STAMBP: variants seen among roughly 807,000 people sequenced by gnomAD.
STAMBP encodes the protein STAM binding protein, also known as STAM-binding protein.
In STAMBP, 31 loss-of-function variants were observed where a neutral mutation model predicts 50.7. The ratio of observed to expected loss-of-function variants is 0.61; its 90% CI spans 0.46 to 0.83. The LOEUF is 0.83. Ranked by LOEUF, STAMBP falls within the 40% of genes least tolerant of loss-of-function variation. STAMBP has a pLI of 0.00. For synonymous variants in STAMBP, 211 were observed against 192.4 expected (o/e 1.10, Z -0.80); for missense variants, 472 against 518.9 (o/e 0.91, Z 0.88).
intron 7 of STAMBP, among the ~76,000 whole-genome samples, chr2:73,851,005 G>T (rs768378519): frequency 2.6e-5 from 4 of 152,206 alleles, no homozygotes; most frequent in Admixed American, 6.5e-5. Flanking sequence ...ATCTTGTGCA[G>T]CCTTCTGGTA....
At chr2:73,871,885 A>G (rs941079345), downstream of STAMBP, among the ~76,000 whole-genome samples, 1 of 152,030 alleles carries the variant, frequency 6.6e-6, no homozygotes, top group Non-Finnish European at 1.5e-5. Context: ...CTTCTGCCTC[A>G]GCCTCCTGAG....
At chr2:73,832,082 A>AATATATATATATATATATATAT (rs1558553820) in intron 2 of STAMBP, among the ~76,000 whole-genome samples, 2 of 85,846 alleles carry the variant, frequency 2.3e-5, no homozygotes, top group African/African-American at 1.2e-4. Flanking sequence ...TTGAGTAGGT[A>AATATATATATATATATATATAT]ACATATATAT....
chr2:73,850,983 A>G lies in STAMBP; in HGVS notation c.1005+470A>G, dbSNP rs976589689. Among the ~76,000 whole-genome samples the G allele has an allele frequency of 5.3e-5, 8 of 152,246 alleles. No homozygotes were observed. Among genetic ancestry groups the G allele is most frequent in the Non-Finnish European group, 1.2e-4 (8 of 68,036 alleles). On this transcript the variant is annotated intron_variant, in intron 7 of 9. Coordinates refer to ENST00000394070, the MANE Select transcript of STAMBP (RefSeq NM_213622.4). The surrounding 1 kb of genome is among the most constrained non-coding windows in gnomAD (Gnocchi z 4.3). ...AGGGCTATAAATACACATGATTTTCAAGTGTCTGCATATCTTGTGCAGCCT... is the reference window on the plus strand; with the variant it reads ...AGGGCTATAAATACACATGATTTTCGAGTGTCTGCATATCTTGTGCAGCCT...
intron 7 of STAMBP, among the ~76,000 whole-genome samples, chr2:73,853,908 AC>A (rs1342086748): frequency 6.6e-6 from 1 of 152,212 alleles, no homozygotes; most frequent in Non-Finnish European, 1.5e-5. Context: ...ACTATAGTTT[AC>A]TTTTGCCTGG....
rs760652262 is a variant in STAMBP, at chr2:73,830,982, G to T, written c.126G>T (p.Glu42Asp). ...GTCGGTACTTCCGCTCTGGAGTTGA[G>T]ATTATCCGAATGGCATCCATTTACT... ...PPRRYFRSGV[E>D]IIRMASIYSE... The change falls in exon 2 of 10, where the codon GAG (glutamate) becomes GAT (aspartate). Residue 42 changes from glutamate to aspartate, a missense_variant. Physicochemically the swap from Glu to Asp is conservative, Grantham distance 45. Transcript: ENST00000394070. 1.2e-6 allele frequency: 2 copies of T among 1,614,230 alleles called. No homozygotes were observed. Among genetic ancestry groups the T allele is most frequent in the East Asian group, 2.2e-5 (1 of 44,884 alleles).
chr2:73,842,095 T>A (rs1675466198), intron 2 of STAMBP, among the ~76,000 whole-genome samples: 1 of 151,758 alleles, frequency 6.6e-6, no homozygotes, highest in South Asian at 2.1e-4. Flanking sequence ...CTGCCCTCAT[T>A]TCTGTGTATA....
At chr2:73,833,405 A>C (rs945519012) in intron 2 of STAMBP, among the ~76,000 whole-genome samples, 1 of 146,246 alleles carries the variant, frequency 6.8e-6, no homozygotes, top group African/African-American at 2.8e-5. Context: ...GGTTTCATAA[A>C]ATTATAATTA....
At chr2:73,856,782 A>T (rs1466182145) in intron 7 of STAMBP, among the ~76,000 whole-genome samples, 1 of 152,156 alleles carries the variant, frequency 6.6e-6, no homozygotes, top group Admixed American at 6.5e-5. Context: ...TCTGTCTCCA[A>T]CCCTGAGATG....
At chr2:73,834,237 ATATATATATATAT>A (rs1395546340) in intron 2 of STAMBP, among the ~76,000 whole-genome samples, 43 of 11,160 alleles carry the variant, frequency 3.9e-3, no homozygotes, top group African/African-American at 8.2e-3. Context: ...AAAAAAAAAA[ATATATATATATAT>A]ATATATATAT....
rs773798563 is a variant in STAMBP at position 73,843,406 on chromosome 2, G to GTATATATA, written c.204-1401_204-1394dup. On this transcript the variant is annotated intron_variant, in intron 2 of 9. Coordinates refer to ENST00000394070, the MANE Select transcript of STAMBP (RefSeq NM_213622.4). ...TGTTTTGTTATATATGTTTGTGTAT[G>GTATATATA]TATATATATATATGTATATATATAT... Among the ~76,000 whole-genome samples the GTATATATA allele has an allele frequency of 4.1e-3, 533 of 129,876 alleles. 8 individuals are homozygous for GTATATATA. Among genetic ancestry groups the GTATATATA allele is most frequent in the African/African-American group, 0.015 (446 of 29,948 alleles). The allele number at this position is 129,876 out of a possible 152,430, so 85.2% of individuals were successfully genotyped here.
intron 7 of STAMBP, among the ~76,000 whole-genome samples, chr2:73,853,430 A>G (rs747848288): frequency 2.6e-5 from 4 of 152,216 alleles, no homozygotes; most frequent in Non-Finnish European, 2.9e-5. Flanking sequence ...CAGAAACTAA[A>G]TATATACTTT....
At chr2:73,849,092 G>A (rs1676480095) in intron 5 of STAMBP, among the ~76,000 whole-genome samples, 1 of 152,190 alleles carries the variant, frequency 6.6e-6, no homozygotes, top group Admixed American at 6.5e-5. Context: ...CTTTTCTTAA[G>A]GTAGTAGTTT....
At chr2:73,871,671 C>T (rs1270305359), downstream of STAMBP, among the ~76,000 whole-genome samples, 1 of 152,042 alleles carries the variant, frequency 6.6e-6, no homozygotes, top group Admixed American at 6.5e-5. Context: ...TCTCTAGGCT[C>T]TTCTATGCTT....
Position 73,864,320 on chromosome 2 carries a change from A to AT in STAMBP, c.*2062dup, listed in dbSNP as rs536496377. The stretch of plus-strand genomic sequence containing the variant: ...ATCACAGACTGATCACCAAACTGCT[A>AT]TATTTTCTTTTCTCTTCCTCTAGGC... On this transcript the variant is annotated 3_prime_UTR_variant, in exon 10 of 10. Transcript: ENST00000394070. The AT allele has an allele frequency of 9.1e-4, 138 of 152,334 alleles. No homozygotes were observed. Among genetic ancestry groups the AT allele is most frequent in the African/African-American group, 3.3e-3 (137 of 41,572 alleles). 9.4% of individuals were successfully genotyped at this position (152,334 alleles called of 1,614,324 possible). A position where few individuals can be genotyped will look rare whatever the true frequency, so the allele number is the denominator to read the frequency against.
intron 4 of STAMBP, 26 bp downstream of exon 4, chr2:73,845,288 A>T (rs1339115863): frequency 6.5e-7 from 1 of 1,543,838 alleles, no homozygotes; most frequent in Non-Finnish European, 8.9e-7. Context: ...CTAAGAAGAA[A>T]ATTATTTTGC....
chr2:73,861,147 C>A (rs1678277116), intron 9 of STAMBP, among the ~76,000 whole-genome samples: 1 of 152,184 alleles, frequency 6.6e-6, no homozygotes, highest in Non-Finnish European at 1.5e-5. Context: ...GTTATAAAGG[C>A]CCCTGTTGCA....
Position 73,834,262 on chromosome 2 carries a change from T to A in STAMBP, c.203+3203T>A, listed in dbSNP as rs866175108. On this transcript the variant is annotated intron_variant, in intron 2 of 9. Transcript: ENST00000394070. The stretch of plus-strand genomic sequence containing the variant: ...ATATATATATATATATATATATATA[T>A]ATATATATATATATATATATATATA... 8.2e-3 allele frequency among the ~76,000 whole-genome samples: 579 copies of A among 70,652 alleles called. 86 individuals carry two copies. Among genetic ancestry groups the A allele is most frequent in the East Asian group, 0.045 (79 of 1,738 alleles). 46.4% of individuals were successfully genotyped at this position (70,652 alleles called of 152,430 possible).
At chr2:73,844,438 G>C (rs778848106) in intron 2 of STAMBP, among the ~76,000 whole-genome samples, 1 of 152,188 alleles carries the variant, frequency 6.6e-6, no homozygotes, top group East Asian at 1.9e-4. Flanking sequence ...GCTGCCAAAC[G>C]GTTCTCTGAA....
At chr2:73,870,957 C>T (rs1679175284), downstream of STAMBP, among the ~76,000 whole-genome samples, 3 of 152,044 alleles carry the variant, frequency 2.0e-5, no homozygotes, top group South Asian at 2.1e-4. Context: ...TTAGTAGAGA[C>T]GGGAGTCTCA....
Sources: gnomAD v4.1 joint callset for allele counts (sites outside exome capture counted in the v4.1 genomes callset) on GRCh38, gnomAD v4.1.1 for gene constraint, Gnocchi (gnomAD v3.1) non-coding constraint, MANE v1.5 for transcripts, NCBI Gene and HGNC (gene_info 2026-07-23, HGNC 2026-07-21) for gene names.